Variants in CDC42 observed in about 807,000 individuals in gnomAD.
CDC42 encodes cell division cycle 42.
In CDC42, 1 loss-of-function variant was observed where a neutral mutation model predicts 20.8. The ratio of observed to expected loss-of-function variants is 0.05; its 90% confidence interval spans 0.02 to 0.23. CDC42 has a LOEUF of 0.23. Ranked by LOEUF, CDC42 falls within the 10% of genes least tolerant of loss-of-function variation. CDC42 has a pLI of 1.00. For missense variants in CDC42, 49 were observed against 227.9 expected, an observed-to-expected ratio of 0.21 and a Z score of 5.05; for synonymous variants, 72 against 84.8, an observed-to-expected ratio of 0.85 and a Z score of 0.83.
At chr1:22,080,807 T>C (rs1377683113) in intron 2 of CDC42, among the ~76,000 whole-genome samples, 2 of 152,200 alleles carry the variant, frequency 1.3e-5, no homozygotes, top group East Asian at 3.8e-4. Context: ...TATTTACATA[T>C]TAAGCATCTT....
intron 5 of CDC42, chr1:22,090,482 T>C (rs1645704641): frequency 8.1e-6 from 8 of 988,012 alleles, no homozygotes; most frequent in Non-Finnish European, 9.6e-6. Context: ...TAGAGTGTAA[T>C]GGGGAAGGGA....
intron 1 of CDC42, among the ~76,000 whole-genome samples, chr1:22,071,906 A>G (rs375999288): frequency 6.6e-6 from 1 of 151,994 alleles, no homozygotes; most frequent in African/African-American, 2.4e-5. Context: ...TGATACTCCC[A>G]CCCCACAGCT....
intron 3 of CDC42, among the ~76,000 whole-genome samples, chr1:22,086,052 G>C (rs1421792638): frequency 6.6e-6 from 1 of 152,078 alleles, no homozygotes; most frequent in Non-Finnish European, 1.5e-5. Flanking sequence ...CATCATGTTG[G>C]CCAGGCTGGT....
Position 22,093,998 on chromosome 1 carries a change from A to C in CDC42, c.*2481A>C, listed in dbSNP as rs1029548096. On this transcript the variant is annotated 3_prime_UTR_variant, in exon 6 of 6. Coordinates refer to ENST00000656825, the MANE Select transcript of CDC42 (RefSeq NM_001791.4). ...AGGATGATGGGGATTGATTGAAGCT[A>C]ATGTTTTCTTAAATATTTTCAGATT... 1.3e-5 allele frequency among the ~76,000 whole-genome samples: 2 copies of C among 152,192 alleles called. No individual in the cohort carries two copies. Among genetic ancestry groups the C allele is most frequent in the African/African-American group, 4.8e-5 (2 of 41,452 alleles).
chr1:22,054,911 A>G lies in CDC42; in HGVS notation c.-51+2169A>G, dbSNP rs1404059949. Reference sequence around the variant, plus strand: ...TTTATGTATATATATATATATATATATATATATATATTTTTTTTTTTTTTT... The same window carrying G: ...TTTATGTATATATATATATATATATGTATATATATATTTTTTTTTTTTTTT... On this transcript the variant is annotated intron_variant, in intron 1 of 5. Transcript: ENST00000656825. Among the ~76,000 whole-genome samples the G allele has an allele frequency of 1.4e-3, 19 of 13,650 alleles. 1 individual carries two copies. Among genetic ancestry groups the G allele is most frequent in the African/African-American group, 2.9e-3 (19 of 6,458 alleles). 9.0% of individuals were successfully genotyped at this position (13,650 alleles called of 152,430 possible).
intron 1 of CDC42, among the ~76,000 whole-genome samples, chr1:22,065,820 G>T (rs1396692329): frequency 6.6e-6 from 1 of 152,082 alleles, no homozygotes; most frequent in African/African-American, 2.4e-5. Flanking sequence ...GGAGTGCAGT[G>T]GCATGATCTC....
chr1:22,069,000 G>A (rs1645453199), intron 1 of CDC42, among the ~76,000 whole-genome samples: 1 of 152,074 alleles, frequency 6.6e-6, no homozygotes, highest in Admixed American at 6.6e-5. Flanking sequence ...GCTCCAAGAG[G>A]GCGTGAACTT....
chr1:22,097,063 A>G lies in CDC42; in HGVS notation c.*5546A>G, dbSNP rs1469209203. On this transcript the variant is annotated 3_prime_UTR_variant, in exon 6 of 6. Transcript: ENST00000656825. The stretch of plus-strand genomic sequence containing the variant: ...CCTTTTTAGTTCATATGTCACAATC[A>G]CAGAATTGAGACTAGCTAGTTTAAA... Among the ~76,000 whole-genome samples the G allele has an allele frequency of 1.3e-5, 2 of 152,234 alleles. No individual in the cohort carries two copies. The highest frequency in any genetic ancestry group is 2.9e-5 in the Non-Finnish European group (2 of 68,050).
intron 5 of CDC42, chr1:22,090,872 C>CA: frequency 1.1e-6 from 1 of 879,872 alleles, no homozygotes; most frequent in Non-Finnish European, 1.4e-6. Flanking sequence ...ATCAGGTACC[C>CA]ACATTTTTGC....
chr1:22,077,135 G>A (rs915803370), intron 1 of CDC42, among the ~76,000 whole-genome samples: 1 of 152,164 alleles, frequency 6.6e-6, no homozygotes, highest in Non-Finnish European at 1.5e-5. Flanking sequence ...CAGCCTGGGT[G>A]ACGGGAGTAA....
chr1:22,056,310 C>G (rs1009146526), intron 1 of CDC42, among the ~76,000 whole-genome samples: 3 of 152,166 alleles, frequency 2.0e-5, no homozygotes, highest in Non-Finnish European at 4.4e-5. Context: ...GATTACTAAT[C>G]TACTCTTGCT....
At chr1:22,070,766 C>T (rs1357132838) in intron 1 of CDC42, among the ~76,000 whole-genome samples, 1 of 151,522 alleles carries the variant, frequency 6.6e-6, no homozygotes, top group East Asian at 2.0e-4. Flanking sequence ...GCCTGGCCTT[C>T]TTTGCCTCTT....
chr1:22,070,907 G>A (rs1645482878), intron 1 of CDC42, among the ~76,000 whole-genome samples: 2 of 152,130 alleles, frequency 1.3e-5, no homozygotes, highest in Admixed American at 6.6e-5. Context: ...CCTTTGCTCG[G>A]TGTACTTTTG....
chr1:22,093,789 T>G lies in CDC42; in HGVS notation c.*2272T>G, dbSNP rs992406798. On this transcript the variant is annotated 3_prime_UTR_variant, in exon 6 of 6. Transcript: ENST00000656825. ...ACCCTGGAAAGCAGGGACATATGTA[T>G]CCTTAGTGTAGTCAGGGGCGTATAG... Among the ~76,000 whole-genome samples, 2 of 152,220 alleles carry G rather than the reference T, an allele frequency of 1.3e-5. No homozygotes were observed. The highest frequency in any genetic ancestry group is 4.8e-5 in the African/African-American group (2 of 41,446).
chr1:22,058,299 C>T (rs905665342), intron 1 of CDC42, among the ~76,000 whole-genome samples: 2 of 152,144 alleles, frequency 1.3e-5, no homozygotes, highest in African/African-American at 4.8e-5. Flanking sequence ...TGCTTTATTT[C>T]ATTTTATTTT....
At chr1:22,074,484 A>G (rs940201332) in intron 1 of CDC42, among the ~76,000 whole-genome samples, 18 of 152,200 alleles carry the variant, frequency 1.2e-4, no homozygotes, top group African/African-American at 4.1e-4. Flanking sequence ...GTATATGAAC[A>G]TGTCTGACTT....
chr1:22,074,589 GA>G (rs1557900327), intron 1 of CDC42, among the ~76,000 whole-genome samples: 3 of 151,866 alleles, frequency 2.0e-5, no homozygotes, highest in African/African-American at 2.4e-5. Context: ...AAAAAATTAA[GA>G]AAAAAAGAAA....
intron 3 of CDC42, among the ~76,000 whole-genome samples, chr1:22,085,659 T>C (rs931190227): frequency 2.6e-5 from 4 of 152,226 alleles, no homozygotes; most frequent in African/African-American, 9.6e-5. Flanking sequence ...CTAAGTATTT[T>C]TATTATTTTG....
intron 3 of CDC42, among the ~76,000 whole-genome samples, chr1:22,085,477 G>C (rs1263635519): frequency 6.6e-6 from 1 of 152,082 alleles, no homozygotes; most frequent in Non-Finnish European, 1.5e-5. Context: ...TTTTGATAGG[G>C]ATTGCATTGA....
Sources: gnomAD v4.1 joint callset for allele counts (sites outside exome capture counted in the v4.1 genomes callset) on GRCh38, gnomAD v4.1.1 for gene constraint, MANE v1.5 for transcripts, NCBI Gene and HGNC (gene_info 2026-07-23, HGNC 2026-07-21) for gene names.